The following RBPMS variants were observed in gnomAD, a reference collection of about 807,000 sequenced individuals.
The protein encoded by RBPMS is RNA-binding protein with multiple splicing.
In RBPMS, 7 loss-of-function variants were observed where a neutral mutation model predicts 26.8. That is an observed-to-expected ratio of 0.26 (90% CI 0.15 to 0.49). The LOEUF (loss-of-function observed/expected upper bound fraction) is 0.49. Ranked by LOEUF, RBPMS falls within the 20% of genes least tolerant of loss-of-function variation. RBPMS has a pLI of 0.98. For missense variants in RBPMS, 186 were observed against 250.0 expected, an observed-to-expected ratio of 0.74 and a Z score of 1.73; for synonymous variants, 96 against 93.3, an observed-to-expected ratio of 1.03 and a Z score of -0.17.
rs561382854 is a variant in RBPMS at position 30,437,661 on chromosome 8, C to T, written c.67-37118C>T. 2.7e-4 allele frequency among the ~76,000 whole-genome samples: 41 copies of T among 152,242 alleles called. No homozygotes were observed. The South Asian group carries it at 3.3e-3, about 12-fold the overall frequency. ...AAAAAATTAGCCGGGCATGATATTG[C>T]TTGCCTGTAATCCCAGCTACTTTGG... is the stretch of plus-strand genomic sequence containing the variant. On this transcript the variant is annotated intron_variant, in intron 1 of 8. Transcript: ENST00000397323.
chr8:30,503,427 T>G (rs1473860736), intron 4 of RBPMS, among the ~76,000 whole-genome samples: 2 of 151,944 alleles, frequency 1.3e-5, no homozygotes, highest in African/African-American at 4.8e-5. Flanking sequence ...AATTTTTTTT[T>G]TTTTGTATTT....
intron 1 of RBPMS, 34 bp downstream of exon 1, chr8:30,385,192 C>T: frequency 1.4e-6 from 2 of 1,428,480 alleles, no homozygotes; most frequent in Non-Finnish European, 9.2e-7. Flanking sequence ...GCGGGGGCGA[C>T]GCGGGACCCA....
intron 4 of RBPMS, among the ~76,000 whole-genome samples, chr8:30,488,844 A>G (rs1819071606): frequency 6.6e-6 from 1 of 152,218 alleles, no homozygotes; most frequent in African/African-American, 2.4e-5. Context: ...GAGGCTAAGA[A>G]GAGAACAATG....
At chr8:30,443,639 G>A (rs1392347963) in intron 1 of RBPMS, among the ~76,000 whole-genome samples, 1 of 152,004 alleles carries the variant, frequency 6.6e-6, no homozygotes, top group East Asian at 1.9e-4. Flanking sequence ...CTGTTGCCCA[G>A]GCTGGAGTGC....
At chr8:30,549,742 C>CGTTCTTTGCT (rs1554543782) in intron 6 of RBPMS, among the ~76,000 whole-genome samples, 1 of 143,960 alleles carries the variant, frequency 6.9e-6, no homozygotes, top group Non-Finnish European at 1.5e-5. Flanking sequence ...TTCTTTCTTT[C>CGTTCTTTGCT]TTTCTTTCCT....
intron 6 of RBPMS, chr8:30,556,027 G>A (rs1431948716): frequency 1.0e-6 from 1 of 985,342 alleles, no homozygotes; most frequent in Admixed American, 6.1e-5. Flanking sequence ...ACTGCCCTCT[G>A]CTGGAAGCTG....
intron 1 of RBPMS, among the ~76,000 whole-genome samples, chr8:30,414,597 C>T (rs1015690707): frequency 6.6e-6 from 1 of 152,126 alleles, no homozygotes; most frequent in Non-Finnish European, 1.5e-5. Context: ...GTCACCAGAC[C>T]CAGAAAACAA....
chr8:30,481,865 G>A (rs1818317921), intron 4 of RBPMS, among the ~76,000 whole-genome samples: 1 of 152,164 alleles, frequency 6.6e-6, no homozygotes, highest in Non-Finnish European at 1.5e-5. Flanking sequence ...TGTAGTTAGG[G>A]AAACAGACGT....
intron 6 of RBPMS, among the ~76,000 whole-genome samples, chr8:30,552,165 T>C (rs751511675): frequency 4.5e-4 from 68 of 152,218 alleles, no homozygotes; most frequent in Non-Finnish European, 7.5e-4. Flanking sequence ...CTGTGGCGTA[T>C]ACCGAGAGGA....
intron 1 of RBPMS, chr8:30,387,436 G>C (rs1201087082): frequency 6.6e-6 from 1 of 152,014 alleles, no homozygotes; most frequent in East Asian, 1.9e-4. Flanking sequence ...AAAATAAATA[G>C]AGTATTAGGT....
At position 30,544,435 on chromosome 8, in the gene RBPMS, T is replaced by C. The variant is rs1825694081; in HGVS notation, c.398-59T>C. 3 of 1,551,980 alleles carry C rather than the reference T, an allele frequency of 1.9e-6. No homozygotes were observed. In the South Asian group the frequency reaches 3.4e-5, roughly 17 times the overall value. On this transcript the variant is annotated intron_variant, in intron 5 of 8. Transcript: ENST00000397323. ...CTCGGGGTTGTTGGGTGTTTTGTTTTCTGATTTGAAACTAGCTGTATGGTA... is the reference window on the plus strand; with the variant it reads ...CTCGGGGTTGTTGGGTGTTTTGTTTCCTGATTTGAAACTAGCTGTATGGTA...
At chr8:30,556,703 G>C in intron 6 of RBPMS, 1 of 985,906 alleles carries the variant, frequency 1.0e-6, no homozygotes, top group Non-Finnish European at 1.2e-6. Context: ...TCCCCGCCCC[G>C]TCCTTTCCCA....
At chr8:30,443,935 CTG>C (rs1255754329) in intron 1 of RBPMS, among the ~76,000 whole-genome samples, 1 of 150,110 alleles carries the variant, frequency 6.7e-6, no homozygotes, top group Non-Finnish European at 1.5e-5. Context: ...GAGACAGAGT[CTG>C]TCTCTATTGC....
intron 4 of RBPMS, among the ~76,000 whole-genome samples, chr8:30,500,413 T>G (rs1425714734): frequency 6.6e-6 from 1 of 152,104 alleles, no homozygotes; most frequent in Non-Finnish European, 1.5e-5. Flanking sequence ...TCTGCTTTGT[T>G]TCTAAGCATT....
In RBPMS at chr8:30,388,467, ACTTATAG is replaced by A. The variant is rs1807376408; in HGVS notation, c.66+3312_66+3318del. On this transcript the variant is annotated intron_variant, in intron 1 of 8. Transcript: ENST00000397323. ...AGCTATAGCTATAAGCTAACTTATA[ACTTATAG>A]CTATAGCTATAAGCTAACTTATAAC... Among the ~76,000 whole-genome samples, 9 of 124,580 alleles carry A rather than the reference ACTTATAG, an allele frequency of 7.2e-5. No homozygotes were observed. The South Asian group carries it at 2.2e-3, about 30-fold the overall frequency. 81.7% of individuals were successfully genotyped at this position (124,580 alleles called of 152,430 possible).
chr8:30,530,994 A>T (rs370280025), intron 5 of RBPMS, among the ~76,000 whole-genome samples: 55 of 151,750 alleles, frequency 3.6e-4, no homozygotes, highest in East Asian at 5.8e-4. Flanking sequence ...ATATATATAT[A>T]TTTTTTCACT....
Position 30,524,098 on chromosome 8 carries a change from A to G in RBPMS, c.397+19662A>G, listed in dbSNP as rs552423486. 1.8e-3 allele frequency among the ~76,000 whole-genome samples: 280 copies of G among 152,192 alleles called. 2 individuals carry two copies. Among genetic ancestry groups the G allele is most frequent in the African/African-American group, 6.5e-3 (268 of 41,510 alleles). On this transcript the variant is annotated intron_variant, in intron 5 of 8. Coordinates refer to ENST00000397323, the MANE Select transcript of RBPMS (RefSeq NM_001008710.3). ...TTTTGTTTAGCATGATTCTGTTTCT[A>G]AATTATCTGCAAGTTATCTTTTATA...
chr8:30,496,663 C>CT (rs1819993513), intron 4 of RBPMS, among the ~76,000 whole-genome samples: 1 of 152,158 alleles, frequency 6.6e-6, no homozygotes, highest in African/African-American at 2.4e-5. Context: ...TTCCTGTGAT[C>CT]TTTACTCATA....
intron 1 of RBPMS, among the ~76,000 whole-genome samples, chr8:30,429,413 C>A (rs1029502799): frequency 2.0e-5 from 3 of 152,144 alleles, no homozygotes; most frequent in Admixed American, 2.0e-4. Flanking sequence ...AAATTAAAAG[C>A]AATGAAATCC....
Sources: gnomAD v4.1 joint callset for allele counts (sites outside exome capture counted in the v4.1 genomes callset) on GRCh38, gnomAD v4.1.1 for gene constraint, MANE v1.5 for transcripts, NCBI Gene and HGNC (gene_info 2026-07-23, HGNC 2026-07-21) for gene names.